The following SNX30 variants were observed in gnomAD, a reference collection of about 807,000 sequenced individuals.
SNX30 encodes sorting nexin-30.
A neutral mutation model predicts 46.4 loss-of-function variants in SNX30; 24 were observed. That is an observed-to-expected ratio of 0.52 (90% CI 0.37 to 0.73). The LOEUF (loss-of-function observed/expected upper bound fraction) is 0.73. SNX30 is among the 30% of genes least tolerant of loss of function. The pLI is 0.00. For missense variants in SNX30, 533 were observed against 555.7 expected (o/e 0.96, Z 0.41); for synonymous variants, 189 against 211.5 (o/e 0.89, Z 0.92).
chr9:112,794,712 A>G (rs1840082114), intron 1 of SNX30, among the ~76,000 whole-genome samples: 1 of 152,224 alleles, frequency 6.6e-6, no homozygotes. Context: ...CACTCTCTTC[A>G]TAAATCATAT....
chr9:112,852,101 A>C (rs1377320540), intron 7 of SNX30, among the ~76,000 whole-genome samples: 2 of 152,126 alleles, frequency 1.3e-5, no homozygotes, highest in Admixed American at 1.3e-4. Flanking sequence ...GGAACTCGTC[A>C]GTGGGGCTGG....
chr9:112,824,010 G>A (rs1042638998), intron 3 of SNX30, among the ~76,000 whole-genome samples: 1 of 152,154 alleles, frequency 6.6e-6, no homozygotes, highest in Non-Finnish European at 1.5e-5. Flanking sequence ...AGGAGAAATA[G>A]GCCTCTGCCA....
downstream of SNX30, among the ~76,000 whole-genome samples, chr9:112,882,123 T>A (rs1645931439): frequency 6.6e-6 from 1 of 152,168 alleles, no homozygotes; most frequent in East Asian, 1.9e-4. Flanking sequence ...TGTTTCTTTT[T>A]TGAGACAGAG....
At chr9:112,780,905 G>A (rs897753298) in intron 1 of SNX30, among the ~76,000 whole-genome samples, 15 of 152,212 alleles carry the variant, frequency 9.9e-5, no homozygotes, top group African/African-American at 3.6e-4. Context: ...GCTTAGCCAT[G>A]GCTGAAAATT....
At chr9:112,815,672 A>G (rs988619381) in intron 2 of SNX30, among the ~76,000 whole-genome samples, 2 of 152,218 alleles carry the variant, frequency 1.3e-5, no homozygotes, top group Admixed American at 6.5e-5. Context: ...ATAATCGTGT[A>G]ACATTTAAGA....
intron 1 of SNX30, among the ~76,000 whole-genome samples, chr9:112,783,061 G>A (rs1010174991): frequency 6.6e-6 from 1 of 152,194 alleles, no homozygotes; most frequent in Non-Finnish European, 1.5e-5. Flanking sequence ...TGGTGGTTCA[G>A]GAGTTTCATT....
intron 1 of SNX30, among the ~76,000 whole-genome samples, chr9:112,774,699 T>G (rs1839710096): frequency 6.6e-6 from 1 of 152,218 alleles, no homozygotes; most frequent in African/African-American, 2.4e-5. Flanking sequence ...TGTGTTTACA[T>G]GATTACTAAT....
At chr9:112,794,354 T>C (rs1195533398) in intron 1 of SNX30, among the ~76,000 whole-genome samples, 1 of 152,132 alleles carries the variant, frequency 6.6e-6, no homozygotes, top group Non-Finnish European at 1.5e-5. Flanking sequence ...GGTTTTACCA[T>C]GTTGGTCAGG....
chr9:112,754,947 C>T (rs368231142), intron 1 of SNX30, among the ~76,000 whole-genome samples: 4 of 152,176 alleles, frequency 2.6e-5, no homozygotes, highest in African/African-American at 9.7e-5. Flanking sequence ...CTTAGACGTC[C>T]TCTGAAGTCT....
intron 5 of SNX30, 84 bp downstream of exon 5, chr9:112,836,493 T>A: frequency 7.1e-7 from 1 of 1,412,350 alleles, no homozygotes; most frequent in East Asian, 2.3e-5. Flanking sequence ...AGAATCAAAC[T>A]GCAAAATGCT....
At chr9:112,793,797 GTTTTTTGTTT>G (rs1431459067) in intron 1 of SNX30, among the ~76,000 whole-genome samples, 1 of 137,112 alleles carries the variant, frequency 7.3e-6, no homozygotes, top group Non-Finnish European at 1.6e-5. Context: ...TACCTCCACT[GTTTTTTGTTT>G]TTTTTTTTTT....
chr9:112,819,143 A>G (rs1840451268), intron 3 of SNX30, among the ~76,000 whole-genome samples: 2 of 152,220 alleles, frequency 1.3e-5, no homozygotes, highest in African/African-American at 4.8e-5. Context: ...CAAGCCTCAC[A>G]TCCGGTATTA....
At chr9:112,769,606 G>A (rs576814879) in intron 1 of SNX30, among the ~76,000 whole-genome samples, 9 of 152,156 alleles carry the variant, frequency 5.9e-5, no homozygotes, top group Non-Finnish European at 1.2e-4. Context: ...CTTACTGGCT[G>A]TTCCTCCTCT....
intron 6 of SNX30, among the ~76,000 whole-genome samples, chr9:112,839,790 C>T (rs889040373): frequency 7.2e-5 from 11 of 152,184 alleles, no homozygotes; most frequent in African/African-American, 2.7e-4. Flanking sequence ...TGAGGAAAGA[C>T]CTGAATAGGG....
In SNX30 at chr9:112,874,979, C is replaced by T. The variant is rs1841502447; in HGVS notation, c.*6136C>T. The T allele has an allele frequency of 6.6e-6, 1 of 152,122 alleles. No homozygotes were observed. The highest frequency in any genetic ancestry group is 2.1e-4 in the South Asian group (1 of 4,828). 9.4% of individuals were successfully genotyped at this position (152,122 alleles called of 1,614,324 possible). On this transcript the variant is annotated 3_prime_UTR_variant, in exon 9 of 9. Coordinates refer to ENST00000374232, the MANE Select transcript of SNX30 (RefSeq NM_001012994.2). ...AGGACCAATAAACCCATAAAAGATG[C>T]TTTCTTTATCTGGAGTCATGTCCTC... is the stretch of plus-strand genomic sequence containing the variant.
At position 112,777,600 on chromosome 9, in the gene SNX30, ATTTTTTTTTTTT is replaced by A. The variant is rs55784760; in HGVS notation, c.156+26460_156+26471del. Among the ~76,000 whole-genome samples, 41 of 75,600 alleles carry A rather than the reference ATTTTTTTTTTTT, an allele frequency of 5.4e-4. No homozygotes were observed. The South Asian group carries it at 5.6e-3, about 10-fold the overall frequency. The allele number at this position is 75,600 out of a possible 152,430, so 49.6% of individuals were successfully genotyped here. A position where few individuals can be genotyped will look rare whatever the true frequency, so the allele number is the denominator to read the frequency against. ...TACCACCACACCCAGCTAGTTTTTA[ATTTTTTTTTTTT>A]TTTTTTTTTTTTTTTTGTGGAGATG... On this transcript the variant is annotated intron_variant, in intron 1 of 8. Transcript: ENST00000374232.
intron 7 of SNX30, among the ~76,000 whole-genome samples, chr9:112,853,035 T>G (rs983425054): frequency 6.6e-6 from 1 of 152,200 alleles, no homozygotes; most frequent in African/African-American, 2.4e-5. Flanking sequence ...AAGGCATTGT[T>G]CTTTCCCCGT....
chr9:112,807,774 C>T (rs1357472147), intron 2 of SNX30, among the ~76,000 whole-genome samples: 1 of 152,188 alleles, frequency 6.6e-6, no homozygotes, highest in Non-Finnish European at 1.5e-5. Context: ...GAGGCTAACG[C>T]GCAACTGCAA....
chr9:112,756,435 C>CTTTTT (rs61338659), intron 1 of SNX30, among the ~76,000 whole-genome samples: 18 of 67,406 alleles, frequency 2.7e-4, no homozygotes, highest in African/African-American at 9.8e-4. Flanking sequence ...TGTAATCATC[C>CTTTTT]TTTTTTTTTT....
Sources: allele counts gnomAD v4.1 joint callset (sites outside exome capture counted in the v4.1 genomes callset), GRCh38; gene constraint gnomAD v4.1.1; transcripts MANE v1.5; gene names NCBI Gene and HGNC (gene_info 2026-07-23, HGNC 2026-07-21).